The following CPED1 variants were observed in gnomAD, a reference collection of about 807,000 sequenced individuals.
CPED1 encodes cadherin like and PC-esterase domain containing 1.
CPED1 carries 114 observed loss-of-function variants against 128.2 expected under a neutral mutation model. That is an observed-to-expected ratio of 0.89 (90% confidence interval 0.76 to 1.04). The LOEUF is 1.04. Ranked by LOEUF, CPED1 falls within the 50% of genes least tolerant of loss-of-function variation. The probability of loss-of-function intolerance (pLI) is 0.00; values close to 1 mark genes in which losing one functional copy is unlikely to be tolerated. For missense variants in CPED1, 1,211 were observed against 1,207.1 expected, an observed-to-expected ratio of 1.00 and a Z score of -0.05; for synonymous variants, 462 against 426.7, an observed-to-expected ratio of 1.08 and a Z score of -1.02.
chr7:121,098,015 A>G (rs1302769691), intron 6 of CPED1, among the ~76,000 whole-genome samples, 184 bp downstream of exon 6: 1 of 152,202 alleles, frequency 6.6e-6, no homozygotes, highest in East Asian at 1.9e-4. Flanking sequence ...ATTAATTCAA[A>G]CCTGTCCTGC....
chr7:121,209,768 T>C (rs1797604421), intron 16 of CPED1, among the ~76,000 whole-genome samples: 1 of 151,900 alleles, frequency 6.6e-6, no homozygotes, highest in African/African-American at 2.4e-5. Context: ...CACATCAAGT[T>C]TAAAAGCTTC....
chr7:121,044,650 C>CTTTTTGTTTTTT (rs1793146094), intron 3 of CPED1, among the ~76,000 whole-genome samples: 1 of 106,038 alleles, frequency 9.4e-6, no homozygotes, highest in African/African-American at 3.4e-5. Flanking sequence ...ACTTTCTGCT[C>CTTTTTGTTTTTT]TTTTTTTTTT....
intron 14 of CPED1, among the ~76,000 whole-genome samples, chr7:121,139,278 T>C (rs1795848873): frequency 6.6e-6 from 1 of 152,086 alleles, no homozygotes; most frequent in Non-Finnish European, 1.5e-5. Context: ...TAAGATTTTT[T>C]ATGAAATAAA....
At position 120,989,598 on chromosome 7, in the gene CPED1, G is replaced by C; in HGVS notation, c.-24G>C. 6.2e-7 allele frequency: 1 copy of C among 1,609,862 alleles called. No homozygotes were observed. Among genetic ancestry groups the C allele is most frequent in the East Asian group, 2.2e-5 (1 of 44,818 alleles). On this transcript the variant is annotated 5_prime_UTR_variant, in exon 2 of 23. Coordinates refer to ENST00000310396, the MANE Select transcript of CPED1 (RefSeq NM_024913.5). ...ATGACTTTTCCCGCAACGTGGACAG[G>C]GGCCAAGTGAAGCTGAACTGGTCAT...
At chr7:121,192,249 G>A (rs1584584261) in intron 16 of CPED1, among the ~76,000 whole-genome samples, 1 of 152,148 alleles carries the variant, frequency 6.6e-6, no homozygotes, top group East Asian at 1.9e-4. Flanking sequence ...CCCTAATCTG[G>A]AAATCCAAGA....
At chr7:121,227,445 C>T (rs1798041033) in intron 16 of CPED1, among the ~76,000 whole-genome samples, 1 of 152,030 alleles carries the variant, frequency 6.6e-6, no homozygotes, top group Non-Finnish European at 1.5e-5. Context: ...GTGACTGTAC[C>T]TGAAAAGACA....
At chr7:121,164,872 T>C (rs1731519226) in intron 16 of CPED1, among the ~76,000 whole-genome samples, 2 of 152,232 alleles carry the variant, frequency 1.3e-5, no homozygotes, top group South Asian at 4.1e-4. Flanking sequence ...AAACACCTTT[T>C]AGTGGTACTT....
intron 18 of CPED1, among the ~76,000 whole-genome samples, chr7:121,252,585 A>G: frequency 6.6e-6 from 1 of 152,202 alleles, no homozygotes; most frequent in South Asian, 2.1e-4. Context: ...AAGGGCTAAT[A>G]TCCAGAATCT....
chr7:121,294,870 A>G (rs930124781), intron 22 of CPED1, among the ~76,000 whole-genome samples: 30 of 152,088 alleles, frequency 2.0e-4, no homozygotes, highest in African/African-American at 7.2e-4. Context: ...CGAAGTTATT[A>G]GTTTAATAGT....
chr7:121,180,095 A>G (rs1381130125), intron 16 of CPED1, among the ~76,000 whole-genome samples: 1 of 152,036 alleles, frequency 6.6e-6, no homozygotes, highest in African/African-American at 2.4e-5. Context: ...GATTTTCAGA[A>G]TCTTGGAATA....
In CPED1 at chr7:121,100,021, C is replaced by G. The variant is rs1387954424; in HGVS notation, c.845C>G (p.Thr282Ser). ...LKAYVLVTSL[T>S]PLRAFIHSTG... ...GCGTATGTGTTGGTGACGTCCTTAACCCCTTTGCGTGCATTCATTCATTCG... is the reference window on the plus strand; with the variant it reads ...GCGTATGTGTTGGTGACGTCCTTAAGCCCTTTGCGTGCATTCATTCATTCG... Residue 282 changes from threonine (T) to serine (S), a missense_variant, in exon 7 of 23, where the codon ACC (threonine) becomes AGC (serine). Physicochemically the swap from Thr to Ser is moderately conservative, Grantham distance 58. Coordinates refer to ENST00000310396, the MANE Select transcript of CPED1 (RefSeq NM_024913.5). The G allele has an allele frequency of 1.9e-6, 3 of 1,613,594 alleles. No homozygotes were observed. Among genetic ancestry groups the G allele is most frequent in the African/African-American group, 2.7e-5 (2 of 74,944 alleles).
intron 22 of CPED1, among the ~76,000 whole-genome samples, chr7:121,281,499 T>C (rs571363897): frequency 1.1e-3 from 171 of 152,290 alleles, no homozygotes; most frequent in African/African-American, 3.9e-3. Flanking sequence ...ACGTTTTTAA[T>C]GGTGTAGAGA....
chr7:121,290,493 G>A (rs914787260), intron 22 of CPED1, among the ~76,000 whole-genome samples: 5 of 152,122 alleles, frequency 3.3e-5, no homozygotes, highest in South Asian at 2.1e-4. Flanking sequence ...TTTAATGATC[G>A]CCATTCTAAC....
intron 4 of CPED1, among the ~76,000 whole-genome samples, chr7:121,057,365 G>A (rs1297471714): frequency 6.6e-6 from 1 of 152,108 alleles, no homozygotes; most frequent in Non-Finnish European, 1.5e-5. Context: ...ATAATGCTGA[G>A]GTTTGGGGTA....
chr7:121,065,698 T>C (rs1793814059), intron 5 of CPED1, among the ~76,000 whole-genome samples: 1 of 152,166 alleles, frequency 6.6e-6, no homozygotes, highest in Non-Finnish European at 1.5e-5. Context: ...GTTTATATTT[T>C]ACATTTGCTT....
At chr7:121,095,282 C>G (rs1414952222) in intron 5 of CPED1, among the ~76,000 whole-genome samples, 1 of 152,082 alleles carries the variant, frequency 6.6e-6, no homozygotes, top group Admixed American at 6.6e-5. Flanking sequence ...GCTATGCCAA[C>G]AGATACAAGA....
chr7:121,049,360 T>G (rs1277300454), intron 4 of CPED1, among the ~76,000 whole-genome samples: 2 of 152,174 alleles, frequency 1.3e-5, no homozygotes, highest in Non-Finnish European at 2.9e-5. Context: ...TGTGGTAAAC[T>G]TAGGGGAGTG....
At chr7:121,230,011 ATC>A (rs1374041820) in intron 16 of CPED1, among the ~76,000 whole-genome samples, 2 of 152,044 alleles carry the variant, frequency 1.3e-5, no homozygotes, top group Admixed American at 1.3e-4. Flanking sequence ...ATGCAATGCA[ATC>A]TCTTGAATTA....
chr7:121,123,011 G>A (rs1259460315), intron 7 of CPED1, among the ~76,000 whole-genome samples: 4 of 152,120 alleles, frequency 2.6e-5, no homozygotes, highest in Non-Finnish European at 2.9e-5. Flanking sequence ...ATGGTGAAAG[G>A]AATGAAATAT....
Sources: allele counts gnomAD v4.1 joint callset (sites outside exome capture counted in the v4.1 genomes callset), GRCh38; gene constraint gnomAD v4.1.1; transcripts MANE v1.5; gene names NCBI Gene and HGNC (gene_info 2026-07-23, HGNC 2026-07-21).